The following ROBO1 variants were observed in gnomAD, a reference collection of about 807,000 sequenced individuals.
The protein encoded by ROBO1 is roundabout homolog 1.
In ROBO1, 149 loss-of-function variants were observed where a neutral mutation model predicts 195.9. The observed-to-expected ratio is 0.76, with a 90% CI of 0.67 to 0.87. ROBO1 has a LOEUF of 0.87. Among genes scored for constraint, ROBO1 ranks in the 40% least tolerant of loss-of-function variants. The pLI is 0.00. For synonymous variants in ROBO1, 816 were observed against 733.2 expected (o/e 1.11, Z -1.82); for missense variants, 1,933 against 2,068.3 (o/e 0.93, Z 1.27).
chr3:79,617,246 G>C (rs1346257217), intron 1 of ROBO1, among the ~76,000 whole-genome samples: 1 of 152,062 alleles, frequency 6.6e-6, no homozygotes, highest in Non-Finnish European at 1.5e-5. Flanking sequence ...GAGTGAGCCA[G>C]CTCTTAGTTG....
rs1459508409 is a variant in ROBO1 at position 78,635,760 on chromosome 3, C to A, written c.3373+13G>T. 6.2e-7 allele frequency: 1 copy of A among 1,609,774 alleles called. No individual in the cohort carries two copies. Among genetic ancestry groups the A allele is most frequent in the Admixed American group, 1.7e-5 (1 of 59,894 alleles). On this transcript the variant is annotated intron_variant, in intron 23 of 30. Transcript: ENST00000464233. ...ATACAGAAACAGATGGGAATACATG[C>A]AAGCCTCTTCACCTTTGTTCAGCTT... is the stretch of plus-strand genomic sequence containing the variant.
At chr3:79,190,663 GA>G (rs1179064962) in intron 2 of ROBO1, among the ~76,000 whole-genome samples, 1 of 151,540 alleles carries the variant, frequency 6.6e-6, no homozygotes, top group East Asian at 1.9e-4. Context: ...CTGTCTTCAA[GA>G]TCCAACTTGG....
chr3:79,321,240 T>G (rs2033969793), intron 2 of ROBO1, among the ~76,000 whole-genome samples: 1 of 152,156 alleles, frequency 6.6e-6, no homozygotes, highest in Non-Finnish European at 1.5e-5. Context: ...CTAGTGTGTT[T>G]TTTTCTATAG....
At chr3:79,042,843 T>C (rs1413840135) in intron 3 of ROBO1, among the ~76,000 whole-genome samples, 1 of 152,154 alleles carries the variant, frequency 6.6e-6, no homozygotes, top group African/African-American at 2.4e-5. Flanking sequence ...TATAATAAAA[T>C]CTGAATTCTA....
chr3:79,629,928 A>G (rs937755881), intron 1 of ROBO1, among the ~76,000 whole-genome samples: 4 of 151,562 alleles, frequency 2.6e-5, no homozygotes, highest in African/African-American at 9.7e-5. Context: ...ACCTCTCAAT[A>G]TTGAACCAAG....
intron 3 of ROBO1, among the ~76,000 whole-genome samples, chr3:78,940,162 G>T (rs1451464529): frequency 6.6e-6 from 1 of 152,216 alleles, no homozygotes; most frequent in South Asian, 2.1e-4. Context: ...AGGCAAATTA[G>T]AAACCAGTCT....
At chr3:79,453,626 A>T (rs2039518012) in intron 2 of ROBO1, among the ~76,000 whole-genome samples, 1 of 152,096 alleles carries the variant, frequency 6.6e-6, no homozygotes, top group Non-Finnish European at 1.5e-5. Flanking sequence ...GTTGTTCATA[A>T]TTCTAACTGA....
At chr3:78,827,596 GTATC>G (rs113459987) in intron 4 of ROBO1, among the ~76,000 whole-genome samples, 1 of 151,964 alleles carries the variant, frequency 6.6e-6, no homozygotes, top group African/African-American at 2.4e-5. Context: ...TCATGTGTGT[GTATC>G]TATCTGTCTA....
At chr3:79,348,210 C>CAAAAAA (rs71127380) in intron 2 of ROBO1, among the ~76,000 whole-genome samples, 1 of 72,956 alleles carries the variant, frequency 1.4e-5, no homozygotes, top group Admixed American at 1.6e-4. Flanking sequence ...GACTCCATCT[C>CAAAAAA]AAAAAAAAAA....
At chr3:79,166,475 T>C (rs2081065582) in intron 2 of ROBO1, among the ~76,000 whole-genome samples, 1 of 152,088 alleles carries the variant, frequency 6.6e-6, no homozygotes, top group East Asian at 1.9e-4. Flanking sequence ...ACATTATATA[T>C]ATTTCAATTA....
intron 4 of ROBO1, among the ~76,000 whole-genome samples, chr3:78,858,772 C>T (rs1401787348): frequency 1.3e-5 from 2 of 150,954 alleles, no homozygotes; most frequent in Admixed American, 6.6e-5. Flanking sequence ...CCCCACCCCC[C>T]GCCAGAAAAC....
intron 3 of ROBO1, among the ~76,000 whole-genome samples, chr3:79,014,400 G>T (rs2077869106): frequency 6.6e-6 from 1 of 152,174 alleles, no homozygotes; most frequent in Non-Finnish European, 1.5e-5. Flanking sequence ...GTGAACCCAG[G>T]AGGCAGAGGT....
chr3:79,020,792 C>A (rs1376036439), intron 3 of ROBO1, among the ~76,000 whole-genome samples: 1 of 151,922 alleles, frequency 6.6e-6, no homozygotes, highest in Non-Finnish European at 1.5e-5. Context: ...GAGTTGTGTA[C>A]CATAACTTCA....
intron 3 of ROBO1, among the ~76,000 whole-genome samples, chr3:79,085,195 G>C (rs1576655422): frequency 6.6e-6 from 1 of 152,112 alleles, no homozygotes; most frequent in African/African-American, 2.4e-5. Flanking sequence ...CCTATTAGTT[G>C]TATATTTGAA....
intron 2 of ROBO1, among the ~76,000 whole-genome samples, chr3:79,360,338 C>T (rs747373481): frequency 9.2e-5 from 14 of 151,666 alleles, no homozygotes; most frequent in Non-Finnish European, 1.9e-4. Flanking sequence ...CTTAACTATC[C>T]GTGAATAAAT....
chr3:79,137,024 C>G (rs1205157232), intron 2 of ROBO1, among the ~76,000 whole-genome samples: 1 of 152,008 alleles, frequency 6.6e-6, no homozygotes, highest in Non-Finnish European at 1.5e-5. Flanking sequence ...AATATGAGAA[C>G]AGAAAACAAT....
chr3:79,140,715 G>A (rs1318711721), intron 2 of ROBO1, among the ~76,000 whole-genome samples: 1 of 152,096 alleles, frequency 6.6e-6, no homozygotes, highest in Non-Finnish European at 1.5e-5. Context: ...TTTGCCAATT[G>A]GGAGTTTATA....
At chr3:79,055,782 C>A (rs2078795805) in intron 3 of ROBO1, among the ~76,000 whole-genome samples, 2 of 152,102 alleles carry the variant, frequency 1.3e-5, no homozygotes, top group African/African-American at 4.8e-5. Context: ...GTTTAGGTTA[C>A]CCTTTTTAAT....
At chr3:79,425,411 G>T (rs1203061993) in intron 2 of ROBO1, among the ~76,000 whole-genome samples, 1 of 152,152 alleles carries the variant, frequency 6.6e-6, no homozygotes, top group East Asian at 1.9e-4. Flanking sequence ...TGAATCCTGA[G>T]AACAGATTTT....
Sources: allele counts gnomAD v4.1 joint callset (sites outside exome capture counted in the v4.1 genomes callset), GRCh38; gene constraint gnomAD v4.1.1; transcripts MANE v1.5; gene names NCBI Gene and HGNC (gene_info 2026-07-23, HGNC 2026-07-21).